COQ10B: variants seen among roughly 807,000 people sequenced by gnomAD.
COQ10B encodes coenzyme Q-binding protein COQ10 homolog B, mitochondrial.
In COQ10B, 12 loss-of-function variants were observed where a neutral mutation model predicts 27.6. That is an observed-to-expected ratio of 0.43 (90% CI 0.28 to 0.70). The LOEUF is 0.70. COQ10B is among the 30% of genes least tolerant of loss of function. The pLI is 0.17. For synonymous variants in COQ10B, 115 were observed against 103.0 expected, an observed-to-expected ratio of 1.12 and a Z score of -0.71; for missense variants, 278 against 288.7, an observed-to-expected ratio of 0.96 and a Z score of 0.27.
intron 3 of COQ10B, among the ~76,000 whole-genome samples, chr2:197,463,604 T>TAATAATTAAATAAAAATTAAA (rs2085784731): frequency 6.8e-6 from 1 of 147,218 alleles, no homozygotes; most frequent in East Asian, 2.1e-4. Flanking sequence ...TGAGACAGTG[T>TAATAATTAAATAAAAATTAAA]CTCAAAAAAA....
At position 197,474,344 on chromosome 2, in the gene COQ10B, T is replaced by C. The variant is rs2085926184; in HGVS notation, c.*420T>C. On this transcript the variant is annotated 3_prime_UTR_variant, in exon 5 of 5. Transcript: ENST00000263960. ...TCAGACTATTTGTAACTTATTGTTA[T>C]AGGGCCTGCCGTATGGCTTAGGATA... is the stretch of plus-strand genomic sequence containing the variant. The C allele has an allele frequency of 6.5e-6, 1 of 152,952 alleles. No individual in the cohort carries two copies. The highest frequency in any genetic ancestry group is 1.5e-5 in the Non-Finnish European group (1 of 68,446). 9.5% of individuals were successfully genotyped at this position (152,952 alleles called of 1,614,324 possible). A position where few individuals can be genotyped will look rare whatever the true frequency, so the allele number is the denominator to read the frequency against.
chr2:197,458,756 C>T (rs1159964470), intron 1 of COQ10B, among the ~76,000 whole-genome samples: 1 of 150,520 alleles, frequency 6.6e-6, no homozygotes, highest in Non-Finnish European at 1.5e-5. Flanking sequence ...CTTCGGCTTA[C>T]TGCAACCTCC....
chr2:197,454,203 C>T, intron 1 of COQ10B: 3 of 1,402,490 alleles, frequency 2.1e-6, no homozygotes, highest in Middle Eastern at 1.8e-4. Flanking sequence ...CTGTAACTTA[C>T]AGGTCCTGTA....
intron 2 of COQ10B, among the ~76,000 whole-genome samples, chr2:197,461,559 C>CTGTGTGTGTGTGTG (rs60261177): frequency 7.2e-6 from 1 of 139,758 alleles, no homozygotes; most frequent in African/African-American, 2.7e-5. Flanking sequence ...CTGATTTAGT[C>CTGTGTGTGTGTGTG]TGTGTGTGTG....
intron 4 of COQ10B, among the ~76,000 whole-genome samples, chr2:197,473,411 A>ATATAT (rs1553575302): frequency 8.2e-5 from 5 of 61,186 alleles, no homozygotes; most frequent in Admixed American, 1.7e-4. Flanking sequence ...ACAAAAAAAA[A>ATATAT]AAAAATATAT....
rs1161758409 is a variant in COQ10B at position 197,473,415 on chromosome 2, AATATATAT to A, written c.550-322_550-315del. On this transcript the variant is annotated intron_variant, in intron 4 of 4. Coordinates refer to ENST00000263960, the MANE Select transcript of COQ10B (RefSeq NM_025147.5). ...CGCCCCCCCCCACAAAAAAAAAAAA[AATATATAT>A]ATATATATATATATATATACACATA... Among the ~76,000 whole-genome samples the A allele has an allele frequency of 8.4e-5, 5 of 59,510 alleles. No homozygotes were observed. The East Asian group carries it at 1.5e-3, about 18-fold the overall frequency. 39.0% of individuals were successfully genotyped at this position (59,510 alleles called of 152,430 possible).
chr2:197,457,456 C>T (rs1237699773), intron 1 of COQ10B, among the ~76,000 whole-genome samples: 3 of 152,112 alleles, frequency 2.0e-5, no homozygotes, highest in South Asian at 2.1e-4. Flanking sequence ...ATTATAAAAT[C>T]AACTACTACT....
Position 197,453,572 on chromosome 2 carries a change from G to T in COQ10B, c.12G>T (p.Arg4=), listed in dbSNP as rs774985187. 3.7e-6 allele frequency: 6 copies of T among 1,613,782 alleles called. No individual in the cohort carries two copies. Among genetic ancestry groups the T allele is most frequent in the Non-Finnish European group, 4.2e-6 (5 of 1,179,722 alleles). MAA[R]TGHTALRRVV... is the part of the protein sequence containing the mutation. ...TCGGAGAGTCTATCATGGCAGCTCG[G>T]ACTGGTCATACGGCCTTGAGAAGGG... The change falls in exon 1 of 5, where the codon CGG becomes CGT. Residue 4 remains arginine, a synonymous_variant. Transcript: ENST00000263960.
At chr2:197,461,670 A>G (rs2085760269) in intron 2 of COQ10B, among the ~76,000 whole-genome samples, 1 of 148,792 alleles carries the variant, frequency 6.7e-6, no homozygotes, top group African/African-American at 2.5e-5. Flanking sequence ...AGAGAGGTGT[A>G]CAGGGTCTCA....
intron 1 of COQ10B, among the ~76,000 whole-genome samples, chr2:197,459,362 C>A (rs1472672478): frequency 6.6e-6 from 1 of 151,988 alleles, no homozygotes; most frequent in African/African-American, 2.4e-5. Flanking sequence ...GAGACAGGGT[C>A]GCTATGTTGC....
rs764161730 is a variant in COQ10B at position 197,460,025 on chromosome 2, A to G, written c.198A>G (p.Lys66=). The change falls in exon 2 of 5, where the codon AAA becomes AAG. Residue 66 remains lysine (K), a synonymous_variant. Transcript: ENST00000263960. ...PKEICARTFF[K]ITAPLINKRK... is the part of the protein sequence containing the mutation. ...AGATATGTGCACGAACTTTCTTCAAAATCACTGCACCATTAATAAACAAAA... is the reference window on the plus strand; with the variant it reads ...AGATATGTGCACGAACTTTCTTCAAGATCACTGCACCATTAATAAACAAAA... The G allele has an allele frequency of 2.7e-5, 43 of 1,612,052 alleles. No homozygotes were observed. The highest frequency in any genetic ancestry group is 3.6e-5 in the Non-Finnish European group (42 of 1,178,520).
chr2:197,474,821 T>C lies in COQ10B; in HGVS notation c.*897T>C, dbSNP rs1382760909. 6.6e-6 allele frequency: 1 copy of C among 150,766 alleles called. No homozygotes were observed. The allele number at this position is 150,766 out of a possible 1,614,324, so 9.3% of individuals were successfully genotyped here. A position where few individuals can be genotyped will look rare whatever the true frequency, so the allele number is the denominator to read the frequency against. Reference sequence around the variant, plus strand: ...AGATAAACAGTGTATTTTCTTCTTTTTTTTTTTTTTTTTGGTGAGTGGTCC... The same window carrying C: ...AGATAAACAGTGTATTTTCTTCTTTCTTTTTTTTTTTTTGGTGAGTGGTCC... On this transcript the variant is annotated 3_prime_UTR_variant, in exon 5 of 5. Coordinates refer to ENST00000263960, the MANE Select transcript of COQ10B (RefSeq NM_025147.5).
chr2:197,454,195 G>A, intron 1 of COQ10B: 1 of 1,436,530 alleles, frequency 7.0e-7, no homozygotes, highest in Non-Finnish European at 9.4e-7. Flanking sequence ...TCACTCTGCT[G>A]TAACTTACAG....
intron 4 of COQ10B, among the ~76,000 whole-genome samples, chr2:197,470,719 A>AC (rs1246038314): frequency 2.6e-5 from 4 of 151,720 alleles, no homozygotes; most frequent in African/African-American, 7.3e-5. Flanking sequence ...ATATCATGAA[A>AC]CCCCGTCTCT....
intron 1 of COQ10B, chr2:197,454,165 C>G (rs994542032): frequency 2.0e-6 from 3 of 1,526,604 alleles, no homozygotes; most frequent in Middle Eastern, 1.7e-4. Flanking sequence ...ATACAGCCAG[C>G]ATAAGGGACT....
At position 197,467,165 on chromosome 2, in the gene COQ10B, T is replaced by C. The variant is rs552368833; in HGVS notation, c.448-2905T>C. Among the ~76,000 whole-genome samples, 21 of 152,286 alleles carry C rather than the reference T, an allele frequency of 1.4e-4. 2 individuals are homozygous for C. The South Asian group carries it at 4.3e-3, about 32-fold the overall frequency. On this transcript the variant is annotated intron_variant, in intron 3 of 4. Coordinates refer to ENST00000263960, the MANE Select transcript of COQ10B (RefSeq NM_025147.5). ...TTTCACCATGTTGGCCAGGCTGGTCTCAAACTCCTGACCTCAGGTGATCTG... is the reference window on the plus strand; with the variant it reads ...TTTCACCATGTTGGCCAGGCTGGTCCCAAACTCCTGACCTCAGGTGATCTG...
At chr2:197,471,125 A>G (rs2085872890) in intron 4 of COQ10B, among the ~76,000 whole-genome samples, 1 of 152,058 alleles carries the variant, frequency 6.6e-6, no homozygotes, top group African/African-American at 2.4e-5. Flanking sequence ...ATTTTTTTGC[A>G]TCTAGAGTCT....
intron 3 of COQ10B, among the ~76,000 whole-genome samples, chr2:197,467,050 G>A (rs1031339948): frequency 5.3e-5 from 8 of 151,144 alleles, no homozygotes; most frequent in Admixed American, 2.6e-4. Context: ...GGGTTCAAGC[G>A]ATTCTCCTGC....
At chr2:197,465,066 T>C (rs1364527410) in intron 3 of COQ10B, among the ~76,000 whole-genome samples, 1 of 151,834 alleles carries the variant, frequency 6.6e-6, no homozygotes, top group Non-Finnish European at 1.5e-5. Context: ...TTTATATTTT[T>C]AGTAGAGACA....
Sources: gnomAD v4.1 joint callset for allele counts (sites outside exome capture counted in the v4.1 genomes callset) on GRCh38, gnomAD v4.1.1 for gene constraint, MANE v1.5 for transcripts, NCBI Gene and HGNC (gene_info 2026-07-23, HGNC 2026-07-21) for gene names.